STK32C: variants seen among roughly 807,000 people sequenced by gnomAD.
STK32C encodes serine/threonine kinase 32C.
A neutral mutation model predicts 56.5 loss-of-function variants in STK32C; 31 were observed. The ratio of observed to expected loss-of-function variants is 0.55; its 90% CI spans 0.41 to 0.74. The LOEUF (loss-of-function observed/expected upper bound fraction) is 0.74, where lower values mean the gene tolerates loss of function less well. STK32C is among the 30% of genes least tolerant of loss of function. The pLI is 0.00. For missense variants in STK32C, 544 were observed against 676.9 expected (o/e 0.80, Z 2.18); for synonymous variants, 309 against 289.4 (o/e 1.07, Z -0.69).
chr10:132,253,504 A>G (rs1181539556), intron 1 of STK32C, among the ~76,000 whole-genome samples: 1 of 69,082 alleles, frequency 1.4e-5, no homozygotes, highest in East Asian at 4.9e-4. Flanking sequence ...GAGTCGAGGG[A>G]GCTGAGGGAG....
chr10:132,280,236 C>G (rs191383635), intron 1 of STK32C, among the ~76,000 whole-genome samples: 40 of 131,048 alleles, frequency 3.1e-4, no homozygotes, highest in African/African-American at 1.2e-3. Context: ...GCTGAGGCCT[C>G]CACACCGTGA....
intron 1 of STK32C, among the ~76,000 whole-genome samples, chr10:132,288,858 T>C (rs2065488658): frequency 2.6e-5 from 4 of 152,196 alleles, no homozygotes. Context: ...AAACTAATTA[T>C]TATTAAGATG....
intron 10 of STK32C, among the ~76,000 whole-genome samples, chr10:132,221,013 A>G (rs1285486798): frequency 2.0e-5 from 3 of 152,240 alleles, no homozygotes; most frequent in Admixed American, 6.5e-5. Flanking sequence ...AGACCATTTC[A>G]TTACGACTCA....
At chr10:132,310,994 CCGTGG>C (rs2066209341), upstream of STK32C, among the ~76,000 whole-genome samples, 1 of 152,148 alleles carries the variant, frequency 6.6e-6, no homozygotes, top group African/African-American at 2.4e-5. The surrounding 1 kb of genome is among the most constrained non-coding windows in gnomAD (Gnocchi z 4.6). Flanking sequence ...AAGTGAGTGG[CCGTGG>C]CATGTGCTGA....
chr10:132,225,480 C>T, intron 6 of STK32C, 47 bp downstream of exon 6: 1 of 1,610,102 alleles, frequency 6.2e-7, no homozygotes, highest in South Asian at 1.1e-5. Flanking sequence ...TTGTCCTTCC[C>T]ACCTGGAGGA....
At chr10:132,214,513 G>A (rs2062407915) in intron 10 of STK32C, among the ~76,000 whole-genome samples, 1 of 152,214 alleles carries the variant, frequency 6.6e-6, no homozygotes, top group African/African-American at 2.4e-5. Flanking sequence ...CATGTTAAAC[G>A]AAGTTCCTCA....
intron 10 of STK32C, among the ~76,000 whole-genome samples, chr10:132,214,035 C>T (rs537131243): frequency 1.8e-4 from 28 of 151,728 alleles, no homozygotes; most frequent in African/African-American, 6.0e-4. Flanking sequence ...CAATTTCAAA[C>T]GGCACCACAC....
chr10:132,322,333 T>G (rs2066426142), downstream of STK32C, among the ~76,000 whole-genome samples: 1 of 152,246 alleles, frequency 6.6e-6, no homozygotes, highest in Admixed American at 6.5e-5. Context: ...ATACTAATCT[T>G]CATTGGATGT....
intron 1 of STK32C, among the ~76,000 whole-genome samples, chr10:132,258,121 C>T (rs575820517): frequency 2.6e-5 from 4 of 152,234 alleles, no homozygotes; most frequent in Non-Finnish European, 5.9e-5. Flanking sequence ...CCGGGAGCAA[C>T]AGCAAGTGTC....
intron 1 of STK32C, among the ~76,000 whole-genome samples, chr10:132,326,516 G>A (rs1214624427): frequency 6.6e-6 from 1 of 152,196 alleles, no homozygotes; most frequent in Non-Finnish European, 1.5e-5. Context: ...TAGTGATGGG[G>A]TTTCCCCATG....
At chr10:132,256,106 A>C (rs2814193) in intron 1 of STK32C, among the ~76,000 whole-genome samples, 100,314 of 152,152 alleles carry the variant, frequency 0.66, 33,403 homozygotes, top group East Asian at 0.75. Flanking sequence ...CCTGTGCCCC[A>C]GGCTCCATCT....
chr10:132,259,923 C>T (rs2064248949), intron 1 of STK32C, among the ~76,000 whole-genome samples: 1 of 152,196 alleles, frequency 6.6e-6, no homozygotes, highest in African/African-American at 2.4e-5. Context: ...ATAAGCCCAT[C>T]GGGCTTCGCA....
chr10:132,214,903 GAAT>G (rs2062422231), intron 10 of STK32C, among the ~76,000 whole-genome samples: 1 of 152,004 alleles, frequency 6.6e-6, no homozygotes, highest in African/African-American at 2.4e-5. Context: ...AGATAAACTA[GAAT>G]AATATAAAAT....
rs1177000465 is a variant in STK32C at position 132,222,760 on chromosome 10, G to A, written c.1132C>T (p.His378Tyr). The A allele has an allele frequency of 6.2e-7, 1 of 1,603,692 alleles. No homozygotes were observed. Among genetic ancestry groups the A allele is most frequent in the East Asian group, 2.3e-5 (1 of 44,334 alleles). Residue 378 changes from histidine (H) to tyrosine (Y), a missense_variant, in exon 10 of 12, where the codon CAC (histidine) becomes TAC (tyrosine). Coordinates refer to ENST00000298630, the MANE Select transcript of STK32C (RefSeq NM_173575.4). The stretch of plus-strand genomic sequence containing the variant: ...TCCAGCTCAAAGGTGGGGTCGCAGT[G>A]CAGACGGCCTTTCTACAGAGGGATG... The part of the protein sequence containing the change: ...PGFVPNKGRL[H>Y]CDPTFELEEM...
chr10:132,307,573 G>A lies in STK32C; in HGVS notation c.261C>T (p.Asp87=), dbSNP rs146295845. The stretch of plus-strand genomic sequence containing the variant: ...CGTCGTCCCCGTGCCCGCACTCACC[G>A]TCCTCCTTGTCGTCAAACACCGGCC... ...ARRPVFDDKE[D]VNFDHFQILR... The change falls in exon 1 of 12, where the codon GAC becomes GAT. Residue 87 remains aspartate, a splice_region_variant and synonymous_variant. Transcript: ENST00000298630. The surrounding 1 kb of genome is among the most constrained non-coding windows in gnomAD (Gnocchi z 4.4). 360 of 1,549,348 alleles carry A rather than the reference G, an allele frequency of 2.3e-4. 4 individuals are homozygous for A. The African/African-American group carries it at 4.4e-3, about 19-fold the overall frequency.
At chr10:132,222,812 C>T (rs375813044) in intron 9 of STK32C, 40 bp from the exon 10 acceptor site, 42 of 1,593,476 alleles carry the variant, frequency 2.6e-5, no homozygotes, top group South Asian at 1.2e-4. Context: ...CCGTGGAGGA[C>T]GCCACATCCA....
At chr10:132,238,048 TGCTAAGCTGG>T (rs971894805) in intron 2 of STK32C, among the ~76,000 whole-genome samples, 1 of 151,950 alleles carries the variant, frequency 6.6e-6, no homozygotes, top group African/African-American at 2.4e-5. Context: ...AAAAGGCAGC[TGCTAAGCTGG>T]GCCCCTCAGT....
chr10:132,295,189 G>A (rs1269728280), intron 1 of STK32C, among the ~76,000 whole-genome samples: 1 of 152,042 alleles, frequency 6.6e-6, no homozygotes, highest in Admixed American at 6.5e-5. Context: ...CATGGGCTTC[G>A]TACTTTAAAA....
intron 1 of STK32C, among the ~76,000 whole-genome samples, chr10:132,251,252 C>A (rs961767830): frequency 2.6e-5 from 4 of 152,214 alleles, no homozygotes; most frequent in Non-Finnish European, 5.9e-5. Flanking sequence ...AGTCCGCTCT[C>A]ATGGGGGCCC....
Sources: allele counts gnomAD v4.1 joint callset (sites outside exome capture counted in the v4.1 genomes callset), GRCh38; gene constraint gnomAD v4.1.1; non-coding constraint Gnocchi (gnomAD v3.1); transcripts MANE v1.5; gene names NCBI Gene and HGNC (gene_info 2026-07-23, HGNC 2026-07-21).